Variants in CUL1 observed in about 807,000 individuals in gnomAD.
The protein encoded by CUL1 is cullin-1.
In CUL1, 24 loss-of-function variants were observed where a neutral mutation model predicts 118.0. The observed-to-expected ratio is 0.20, with a 90% CI of 0.15 to 0.29. CUL1 has a LOEUF of 0.29. Among genes scored for constraint, CUL1 ranks in the 10% least tolerant of loss-of-function variants. The pLI is 1.00. For missense variants in CUL1, 361 were observed against 933.8 expected (o/e 0.39, Z 7.99); for synonymous variants, 332 against 340.4 (o/e 0.98, Z 0.27).
intron 2 of CUL1, among the ~76,000 whole-genome samples, chr7:148,742,597 G>GTTTTTTTTTT (rs1491215871): frequency 9.9e-6 from 1 of 100,704 alleles, no homozygotes. Flanking sequence ...TACCTTTTCT[G>GTTTTTTTTTT]GTTTTTTTTT....
intron 9 of CUL1, among the ~76,000 whole-genome samples, chr7:148,777,291 G>C (rs1800434516): frequency 6.6e-6 from 1 of 152,230 alleles, no homozygotes; most frequent in East Asian, 1.9e-4. Flanking sequence ...CTGAGGTGCA[G>C]AGCCATGATT....
chr7:148,736,344 G>A lies in CUL1; in HGVS notation c.140+6082G>A, dbSNP rs376377873. ...GATAGAGTCTTGCCCTTTCACCTAG[G>A]CTGGAGTGCAATGGCACTATCATAG... On this transcript the variant is annotated intron_variant, in intron 2 of 21. Transcript: ENST00000325222. Among the ~76,000 whole-genome samples the A allele has an allele frequency of 2.6e-5, 4 of 152,104 alleles. No individual in the cohort carries two copies. The East Asian group carries it at 5.8e-4, about 22-fold the overall frequency.
At chr7:148,720,766 GA>G (rs1157652670) in intron 1 of CUL1, among the ~76,000 whole-genome samples, 15 of 152,208 alleles carry the variant, frequency 9.9e-5, no homozygotes, top group African/African-American at 3.1e-4. Context: ...CTAGAGTGAG[GA>G]GCAGCTTGGA....
At chr7:148,761,886 T>G (rs1340130706) in intron 7 of CUL1, among the ~76,000 whole-genome samples, 2 of 152,238 alleles carry the variant, frequency 1.3e-5, no homozygotes, top group Non-Finnish European at 2.9e-5. Context: ...GACGAAACTG[T>G]TCCACCTCAG....
chr7:148,767,593 A>G (rs762453633), intron 8 of CUL1, 26 bp from the exon 9 acceptor site: 4 of 1,611,658 alleles, frequency 2.5e-6, no homozygotes, highest in Non-Finnish European at 3.4e-6. Context: ...TTTTCAGTGC[A>G]TAAAAGGGGT....
intron 1 of CUL1, among the ~76,000 whole-genome samples, chr7:148,718,027 G>A (rs190264303): frequency 5.9e-5 from 9 of 152,232 alleles, no homozygotes; most frequent in South Asian, 4.2e-4. Flanking sequence ...GTCTTACATA[G>A]CATTTCTTAA....
In CUL1 at chr7:148,775,438, C is replaced by A. The variant is rs903683841; in HGVS notation, c.1083+7689C>A. On this transcript the variant is annotated intron_variant, in intron 9 of 21. Transcript: ENST00000325222. ...AGCCATAGCTATTCCTTAAAGCTGG[C>A]TAATGGGTTTATGGGGGTTGATTTT... Among the ~76,000 whole-genome samples the A allele has an allele frequency of 3.4e-4, 52 of 152,138 alleles. 1 individual carries two copies. The highest frequency in any genetic ancestry group is 1.9e-4 in the Non-Finnish European group (13 of 68,022).
chr7:148,795,089 T>C (rs1801140362), intron 17 of CUL1, among the ~76,000 whole-genome samples: 1 of 152,190 alleles, frequency 6.6e-6, no homozygotes, highest in Non-Finnish European at 1.5e-5. Flanking sequence ...TGCCTCGGCC[T>C]CCCAAAGTGC....
intron 19 of CUL1, 141 bp downstream of exon 19, chr7:148,798,160 G>T (rs1237781732): frequency 1.0e-5 from 6 of 573,802 alleles, no homozygotes; most frequent in Middle Eastern, 4.5e-4. Flanking sequence ...GGGAGTGTGA[G>T]GTAGGCCTTT....
At chr7:148,722,257 G>A (rs898074510) in intron 1 of CUL1, among the ~76,000 whole-genome samples, 1 of 152,084 alleles carries the variant, frequency 6.6e-6, no homozygotes, top group Non-Finnish European at 1.5e-5. Flanking sequence ...CAGGCCATCA[G>A]GTCATCTTTC....
intron 7 of CUL1, among the ~76,000 whole-genome samples, chr7:148,766,324 CTG>C (rs1800005345): frequency 6.6e-6 from 1 of 152,108 alleles, no homozygotes. Flanking sequence ...CAGGGTCGCA[CTG>C]TGTTGCCCAG....
intron 19 of CUL1, 120 bp from the exon 20 acceptor site, chr7:148,798,452 C>A: frequency 1.4e-6 from 1 of 692,460 alleles, no homozygotes; most frequent in Non-Finnish European, 2.5e-6. Flanking sequence ...TCACAGAAAT[C>A]AACATTCTCC....
At chr7:148,733,342 T>A (rs1798827766) in intron 2 of CUL1, among the ~76,000 whole-genome samples, 1 of 152,222 alleles carries the variant, frequency 6.6e-6, no homozygotes, top group African/African-American at 2.4e-5. Flanking sequence ...TTTTACCCCC[T>A]AACTCTTCAC....
intron 2 of CUL1, among the ~76,000 whole-genome samples, chr7:148,737,623 G>A (rs1799000812): frequency 6.9e-6 from 1 of 145,356 alleles, no homozygotes; most frequent in Non-Finnish European, 1.5e-5. Context: ...TATTTTCAGA[G>A]GGCGCCTCAC....
At chr7:148,739,616 A>G (rs1286532676) in intron 2 of CUL1, among the ~76,000 whole-genome samples, 1 of 152,022 alleles carries the variant, frequency 6.6e-6, no homozygotes, top group Non-Finnish European at 1.5e-5. Flanking sequence ...TTAGTTCTTT[A>G]TATGTCAAGG....
intron 17 of CUL1, among the ~76,000 whole-genome samples, chr7:148,793,606 T>C (rs1801089813): frequency 6.6e-6 from 1 of 152,254 alleles, no homozygotes; most frequent in South Asian, 2.1e-4. Flanking sequence ...GGTTTGCCCA[T>C]GTTCTAGCAT....
At chr7:148,707,598 T>A (rs1222166320) in intron 1 of CUL1, among the ~76,000 whole-genome samples, 5 of 152,102 alleles carry the variant, frequency 3.3e-5, no homozygotes, top group African/African-American at 1.2e-4. Context: ...ATCACCTAGG[T>A]ATTAAGCCCT....
intron 2 of CUL1, among the ~76,000 whole-genome samples, chr7:148,733,835 A>G (rs910248143): frequency 6.6e-6 from 1 of 152,200 alleles, no homozygotes; most frequent in South Asian, 2.1e-4. Flanking sequence ...CCCATTGTCT[A>G]TCCTGGAGGA....
At chr7:148,740,387 A>G (rs187632818) in intron 2 of CUL1, among the ~76,000 whole-genome samples, 1 of 152,292 alleles carries the variant, frequency 6.6e-6, no homozygotes, top group East Asian at 1.9e-4. Flanking sequence ...CACATAGCAT[A>G]CAATGCACTC....
Sources: gnomAD v4.1 joint callset for allele counts (sites outside exome capture counted in the v4.1 genomes callset) on GRCh38, gnomAD v4.1.1 for gene constraint, MANE v1.5 for transcripts, NCBI Gene and HGNC (gene_info 2026-07-23, HGNC 2026-07-21) for gene names.